Variants in FREM2 observed in about 807,000 individuals in gnomAD.
FREM2 encodes FRAS1 related extracellular matrix 2, also known as FRAS1-related extracellular matrix protein 2.
In FREM2, 119 loss-of-function variants were observed where a neutral mutation model predicts 219.9. That is an observed-to-expected ratio of 0.54 (90% CI 0.47 to 0.63). FREM2 has a LOEUF of 0.63. Ranked by LOEUF, FREM2 falls within the 30% of genes least tolerant of loss-of-function variation. The probability of loss-of-function intolerance (pLI) is 0.00; values close to 1 mark genes in which losing one functional copy is unlikely to be tolerated. For synonymous variants in FREM2, 1,562 were observed against 1,522.8 expected (o/e 1.03, Z -0.60); for missense variants, 4,030 against 3,993.6 (o/e 1.01, Z -0.25).
chr13:38,730,171 G>A (rs924914576), intron 2 of FREM2, among the ~76,000 whole-genome samples: 5 of 152,196 alleles, frequency 3.3e-5, no homozygotes, highest in Non-Finnish European at 7.3e-5. Flanking sequence ...TCTAGATGCA[G>A]CGTGAAGCGG....
intron 20 of FREM2, 64 bp downstream of exon 20, chr13:38,876,446 T>TTAAAAAAAAAAAAA: frequency 9.0e-7 from 1 of 1,111,536 alleles, no homozygotes; most frequent in Non-Finnish European, 1.3e-6. Flanking sequence ...CATTTATTAG[T>TTAAAAAAAAAAAAA]AAAAAAAAAA....
intron 7 of FREM2, among the ~76,000 whole-genome samples, chr13:38,846,994 C>G (rs562300318): frequency 6.6e-6 from 1 of 152,176 alleles, no homozygotes; most frequent in African/African-American, 2.4e-5. Context: ...AAGTGGTTCT[C>G]TACTCTCAGC....
At chr13:38,696,497 A>G (rs140314120) in intron 1 of FREM2, among the ~76,000 whole-genome samples, 3 of 152,324 alleles carry the variant, frequency 2.0e-5, no homozygotes, top group African/African-American at 7.2e-5. Flanking sequence ...CACTAGACAG[A>G]TAAATATTAC....
chr13:38,766,135 C>T (rs549027130), intron 3 of FREM2, among the ~76,000 whole-genome samples: 1 of 152,266 alleles, frequency 6.6e-6, no homozygotes, highest in East Asian at 1.9e-4. Context: ...TAATTTTTCA[C>T]TCACAACAGG....
intron 6 of FREM2, among the ~76,000 whole-genome samples, chr13:38,798,931 C>A (rs1456509805): frequency 6.6e-6 from 1 of 151,862 alleles, no homozygotes; most frequent in Non-Finnish European, 1.5e-5. Context: ...TTTTCTTTCA[C>A]AGATTCTTTG....
chr13:38,828,162 T>C (rs990831562), intron 6 of FREM2, among the ~76,000 whole-genome samples: 2 of 152,146 alleles, frequency 1.3e-5, no homozygotes, highest in Non-Finnish European at 2.9e-5. Context: ...AGGCAGGCTG[T>C]CTTACTTCCT....
chr13:38,876,513 C>G, intron 20 of FREM2, 131 bp downstream of exon 20: 1 of 797,284 alleles, frequency 1.3e-6, no homozygotes, highest in African/African-American at 1.7e-5. Flanking sequence ...AGAAATCAGA[C>G]AGTTAAGGAA....
At chr13:38,745,103 A>G (rs916476308) in intron 2 of FREM2, among the ~76,000 whole-genome samples, 1 of 152,246 alleles carries the variant, frequency 6.6e-6, no homozygotes, top group Non-Finnish European at 1.5e-5. Flanking sequence ...CATTAAGGTA[A>G]TGTCTAAATG....
chr13:38,878,877 T>C lies in FREM2; in HGVS notation c.8906T>C (p.Leu2969Pro), dbSNP rs140937193. 91 of 1,614,044 alleles carry C rather than the reference T, an allele frequency of 5.6e-5. No homozygotes were observed. In the African/African-American group the frequency reaches 1.0e-3, roughly 18 times the overall value. The change falls in exon 23 of 24, where the codon CTA becomes CCA. Residue 2969 changes from leucine to proline, a missense_variant. Transcript: ENST00000280481. ...CAAGCGACCAGTTTTGGAAATGTCC[T>C]ATTTAATGCCAAACTAGCAGTGGAT... is the stretch of plus-strand genomic sequence containing the variant. The part of the protein sequence containing the change: ...ETQATSFGNV[L>P]FNAKLAVDDP...
chr13:38,861,275 A>G (rs1339981579), intron 14 of FREM2, among the ~76,000 whole-genome samples, 156 bp from the exon 15 acceptor site: 1 of 152,186 alleles, frequency 6.6e-6, no homozygotes, highest in Non-Finnish European at 1.5e-5. Flanking sequence ...GTGGACTTCT[A>G]ATTCCTTATC....
chr13:38,748,367 G>T (rs568487241), intron 2 of FREM2, among the ~76,000 whole-genome samples: 1 of 152,160 alleles, frequency 6.6e-6, no homozygotes, highest in Non-Finnish European at 1.5e-5. Flanking sequence ...ATTGTATTTG[G>T]ATTTGTTCCT....
At chr13:38,863,907 A>G (rs1036591686) in intron 15 of FREM2, among the ~76,000 whole-genome samples, 3 of 152,040 alleles carry the variant, frequency 2.0e-5, no homozygotes. Context: ...ATCTCAGCTC[A>G]CTGCAACCTC....
In FREM2 at chr13:38,688,340, G is replaced by C. The variant is rs200316547; in HGVS notation, c.996G>C (p.Gln332His). 74 of 1,614,252 alleles carry C rather than the reference G, an allele frequency of 4.6e-5. 1 individual carries two copies. The Admixed American group carries it at 1.2e-3, about 26-fold the overall frequency. Residue 332 changes from glutamine to histidine, a missense_variant, in exon 1 of 24, where the codon CAG (glutamine) becomes CAC (histidine). Coordinates refer to ENST00000280481, the MANE Select transcript of FREM2 (RefSeq NM_207361.6). ...CCATGATGATGATGGAGGTGGACCA[G>C]TTTGTACTGACGGCCCTGACCCCAG... ...FVAMMMMEVDQFVLTALTPDM... is the reference protein window; with the variant it reads ...FVAMMMMEVDHFVLTALTPDM...
chr13:38,702,033 A>G (rs998408183), intron 2 of FREM2, among the ~76,000 whole-genome samples: 5 of 152,184 alleles, frequency 3.3e-5, no homozygotes, highest in Non-Finnish European at 7.4e-5. Flanking sequence ...ATAAAGATCA[A>G]TTAAATAGTA....
At chr13:38,815,018 C>A (rs1020342634) in intron 6 of FREM2, among the ~76,000 whole-genome samples, 2 of 152,152 alleles carry the variant, frequency 1.3e-5, no homozygotes, top group African/African-American at 4.8e-5. Flanking sequence ...AGAATCTAGA[C>A]CTTGACTCAG....
chr13:38,690,015 C>T lies in FREM2; in HGVS notation c.2671C>T (p.His891Tyr). 6.2e-7 allele frequency: 1 copy of T among 1,613,996 alleles called. No homozygotes were observed. Among genetic ancestry groups the T allele is most frequent in the Non-Finnish European group, 8.5e-7 (1 of 1,180,022 alleles). Residue 891 changes from histidine (H) to tyrosine (Y), a missense_variant, in exon 1 of 24, where the codon CAC (histidine) becomes TAC (tyrosine). Around this residue, in one of 2 missense-constraint regions of FREM2, gnomAD observed 3,102 missense variants for 2,950.7 expected, o/e 1.05. Coordinates refer to ENST00000280481, the MANE Select transcript of FREM2 (RefSeq NM_207361.6). ...GATCCTGCATGTAGGGGGTCTCTTC[C>T]ACTTGGAGGACATAAAACAGGGCCG... ...GQILHVGGLF[H>Y]LEDIKQGRVS...
chr13:38,722,008 AT>A (rs1460477572), intron 2 of FREM2, among the ~76,000 whole-genome samples: 1 of 151,974 alleles, frequency 6.6e-6, no homozygotes, highest in Non-Finnish European at 1.5e-5. Context: ...GGACACAAAC[AT>A]TGATTTTTGT....
intron 4 of FREM2, among the ~76,000 whole-genome samples, chr13:38,772,021 TC>T (rs1873684041): frequency 6.6e-6 from 1 of 152,036 alleles, no homozygotes; most frequent in African/African-American, 2.4e-5. Context: ...GGATCACTTT[TC>T]CCCCCATTTA....
chr13:38,879,035 C>T (rs757646247), intron 23 of FREM2, 58 bp downstream of exon 23: 130 of 1,458,692 alleles, frequency 8.9e-5, no homozygotes, highest in Admixed American at 1.8e-4. Flanking sequence ...AGTTATGGAA[C>T]ATTTATATGC....
Sources: gnomAD v4.1 joint callset for allele counts (sites outside exome capture counted in the v4.1 genomes callset) on GRCh38, gnomAD v4.1.1 for gene constraint, gnomAD v4.1.1 regional missense constraint, MANE v1.5 for transcripts, NCBI Gene and HGNC (gene_info 2026-07-23, HGNC 2026-07-21) for gene names.